Variants in CSMD3 observed in about 807,000 individuals in gnomAD.
The protein encoded by CSMD3 is CUB and Sushi multiple domains 3.
A neutral mutation model predicts 435.2 loss-of-function variants in CSMD3; 177 were observed. The observed-to-expected ratio is 0.41, with a 90% CI of 0.36 to 0.46. The LOEUF is 0.46. CSMD3 is among the 20% of genes least tolerant of loss of function. The pLI, the probability that CSMD3 is intolerant of heterozygous loss-of-function variation, is 0.34. For missense variants in CSMD3, 4,265 were observed against 4,504.6 expected (o/e 0.95, Z 1.52); for synonymous variants, 1,656 against 1,520.5 (o/e 1.09, Z -2.07).
chr8:112,729,326 T>C (rs1268087621), intron 13 of CSMD3, among the ~76,000 whole-genome samples: 1 of 152,026 alleles, frequency 6.6e-6, no homozygotes, highest in Non-Finnish European at 1.5e-5. Context: ...AGTACCAGTT[T>C]TGAAAAAAGC....
In CSMD3 at chr8:112,259,810, A is replaced by G. The variant is rs185465206; in HGVS notation, c.9862+3829T>C. ...TCTTATTAATCTTTGTATATTCAGT[A>G]CATTTTGAATTAATACATGCTTCCC... On this transcript the variant is annotated intron_variant, in intron 61 of 70. Transcript: ENST00000297405. Among the ~76,000 whole-genome samples the G allele has an allele frequency of 2.0e-5, 3 of 152,338 alleles. No homozygotes were observed. In the East Asian group the frequency reaches 5.8e-4, roughly 29 times the overall value.
In CSMD3 at chr8:113,314,683, CTAT is replaced by C; in HGVS notation, c.286_288del (p.Ile96del). The stretch of plus-strand genomic sequence containing the variant: ...ATTTGTATTCTATTTCGTTCTTCTG[CTAT>C]TATTACCCATGTGCAGTTTGCACCA... On this transcript the variant is annotated inframe_deletion, in exon 2 of 71. Coordinates refer to ENST00000297405, the MANE Select transcript of CSMD3 (RefSeq NM_198123.2). 1 of 1,611,770 alleles carries C rather than the reference CTAT, an allele frequency of 6.2e-7. No homozygotes were observed. The highest frequency in any genetic ancestry group is 8.5e-7 in the Non-Finnish European group (1 of 1,178,134).
At chr8:113,427,272 A>C (rs528560024) in intron 1 of CSMD3, among the ~76,000 whole-genome samples, 74 of 151,576 alleles carry the variant, frequency 4.9e-4, no homozygotes, top group African/African-American at 1.8e-3. Flanking sequence ...TCTTTCATAG[A>C]CTGATGTATA....
intron 3 of CSMD3, among the ~76,000 whole-genome samples, chr8:113,236,212 C>T (rs1236787212): frequency 6.6e-6 from 1 of 152,170 alleles, no homozygotes. Flanking sequence ...GCAGGTCCGC[C>T]TTTGCATACT....
intron 6 of CSMD3, among the ~76,000 whole-genome samples, chr8:113,004,004 T>C (rs1012953389): frequency 6.6e-6 from 1 of 152,090 alleles, no homozygotes. Context: ...CAGAAATAAA[T>C]TGTAATGATA....
At chr8:112,373,295 C>A (rs925830427) in intron 38 of CSMD3, among the ~76,000 whole-genome samples, 2 of 151,996 alleles carry the variant, frequency 1.3e-5, no homozygotes, top group African/African-American at 4.8e-5. Context: ...CACTGTGATT[C>A]TTCCCTTATG....
Position 112,224,688 on chromosome 8 carries a change from T to C in CSMD3, c.*83A>G. On this transcript the variant is annotated 3_prime_UTR_variant, in exon 71 of 71. Transcript: ENST00000297405. ...ACCCAGCAAGTCCTGAAAAGTGTGC[T>C]TTAATTTGTTTAGCAGTGAACTAAA... 7.1e-7 allele frequency: 1 copy of C among 1,414,750 alleles called. No individual in the cohort carries two copies. Among genetic ancestry groups the C allele is most frequent in the South Asian group, 1.1e-5 (1 of 87,016 alleles). 87.6% of individuals were successfully genotyped at this position (1,414,750 alleles called of 1,614,324 possible).
At chr8:113,352,299 A>G (rs2094195321) in intron 1 of CSMD3, among the ~76,000 whole-genome samples, 1 of 152,090 alleles carries the variant, frequency 6.6e-6, no homozygotes, top group Non-Finnish European at 1.5e-5. Context: ...ACAGAGATAC[A>G]AGAGAGAAAG....
Position 113,098,767 on chromosome 8 carries a change from T to G in CSMD3, c.906A>C (p.Pro302=). ...AGCTATTTACTTACCATATGGTAGG[T>G]GGCTCAGAACCTTCTATTTCTAAGT... ...YDYLEIEGSE[P]PTIWLSGMNI... The change falls in exon 5 of 71, where the codon CCA becomes CCC. Residue 302 remains proline, a synonymous_variant. Transcript: ENST00000297405. The G allele has an allele frequency of 6.2e-7, 1 of 1,606,926 alleles. No homozygotes were observed. The highest frequency in any genetic ancestry group is 8.5e-7 in the Non-Finnish European group (1 of 1,173,824).
chr8:113,221,567 A>G (rs1371060677), intron 3 of CSMD3, among the ~76,000 whole-genome samples: 3 of 151,314 alleles, frequency 2.0e-5, no homozygotes, highest in Non-Finnish European at 4.4e-5. Context: ...TTATCTTGCA[A>G]CTGATTTCTA....
intron 5 of CSMD3, among the ~76,000 whole-genome samples, chr8:113,084,412 T>C (rs2089678323): frequency 6.6e-6 from 1 of 151,952 alleles, no homozygotes; most frequent in Admixed American, 6.6e-5. Flanking sequence ...GAAAGATCTC[T>C]ACAATAAAAA....
At chr8:113,346,463 AGGTATGC>A (rs1316094794) in intron 1 of CSMD3, among the ~76,000 whole-genome samples, 1 of 152,170 alleles carries the variant, frequency 6.6e-6, no homozygotes, top group African/African-American at 2.4e-5. Flanking sequence ...ATTCAAATAA[AGGTATGC>A]TTTTCTGACT....
At chr8:112,840,787 G>C (rs2080157530) in intron 11 of CSMD3, among the ~76,000 whole-genome samples, 1 of 151,486 alleles carries the variant, frequency 6.6e-6, no homozygotes, top group African/African-American at 2.4e-5. Flanking sequence ...CAAATAGAAG[G>C]CTCCTATTTT....
chr8:112,391,280 T>C (rs1830389859), intron 35 of CSMD3, among the ~76,000 whole-genome samples: 1 of 152,140 alleles, frequency 6.6e-6, no homozygotes, highest in South Asian at 2.1e-4. Flanking sequence ...CTAAGTACTT[T>C]ACATATTTTA....
intron 1 of CSMD3, among the ~76,000 whole-genome samples, chr8:113,366,976 A>C (rs2094316017): frequency 1.3e-5 from 2 of 152,004 alleles, no homozygotes; most frequent in African/African-American, 4.8e-5. Flanking sequence ...TTCCCTTTAA[A>C]CTAAGTTTTT....
intron 5 of CSMD3, among the ~76,000 whole-genome samples, chr8:113,023,106 T>C (rs904083621): frequency 6.6e-6 from 1 of 152,056 alleles, no homozygotes; most frequent in African/African-American, 2.4e-5. Flanking sequence ...TTCTTTAATG[T>C]TAAACCGCTT....
At chr8:113,428,204 ATATC>A (rs36077177) in intron 1 of CSMD3, among the ~76,000 whole-genome samples, 44,014 of 145,904 alleles carry the variant, frequency 0.3, 6,624 homozygotes, top group Middle Eastern at 0.33. Flanking sequence ...CAACTGTGGG[ATATC>A]TATCTATCTA....
chr8:112,776,700 T>C (rs1304408367), intron 13 of CSMD3, among the ~76,000 whole-genome samples: 1 of 151,798 alleles, frequency 6.6e-6, no homozygotes, highest in East Asian at 1.9e-4. Flanking sequence ...TGGATGCTAA[T>C]GAATATTTGA....
chr8:112,525,435 A>AGATAG, intron 27 of CSMD3, among the ~76,000 whole-genome samples: 1 of 150,458 alleles, frequency 6.6e-6, no homozygotes, highest in Non-Finnish European at 1.5e-5. Context: ...AATAACTATC[A>AGATAG]AAAGGCCGGG....
Sources: gnomAD v4.1 joint callset for allele counts (sites outside exome capture counted in the v4.1 genomes callset) on GRCh38, gnomAD v4.1.1 for gene constraint, MANE v1.5 for transcripts, NCBI Gene and HGNC (gene_info 2026-07-23, HGNC 2026-07-21) for gene names.